The following SLC44A5 variants were observed in gnomAD, a reference collection of about 807,000 sequenced individuals.
The protein encoded by SLC44A5 is choline transporter-like protein 5.
In SLC44A5, 57 loss-of-function variants were observed where a neutral mutation model predicts 101.8. That is an observed-to-expected ratio of 0.56 (90% CI 0.45 to 0.70). The LOEUF is 0.70. Ranked by LOEUF, SLC44A5 falls within the 30% of genes least tolerant of loss-of-function variation. The pLI is 0.00. For missense variants in SLC44A5, 737 were observed against 853.1 expected, an observed-to-expected ratio of 0.86 and a Z score of 1.70; for synonymous variants, 281 against 290.9, an observed-to-expected ratio of 0.97 and a Z score of 0.35.
the SLC44A5 span, among the ~76,000 whole-genome samples, chr1:75,651,516 G>A: frequency 2.0e-5 from 3 of 151,920 alleles, no homozygotes; most frequent in African/African-American, 7.3e-5. Flanking sequence ...CTAACACGGT[G>A]AAACCTCCTC....
chr1:75,331,390 T>C (rs1304557017), intron 4 of SLC44A5, among the ~76,000 whole-genome samples: 1 of 152,144 alleles, frequency 6.6e-6, no homozygotes, highest in Non-Finnish European at 1.5e-5. Context: ...TCTTGACTCA[T>C]TTTTTCTCTT....
chr1:75,318,954 C>T (rs56337713), intron 4 of SLC44A5, among the ~76,000 whole-genome samples: 6 of 152,186 alleles, frequency 3.9e-5, no homozygotes, highest in Non-Finnish European at 7.4e-5. Context: ...CCCCTGCCAA[C>T]GCACATCTCC....
chr1:75,677,760 C>A, the SLC44A5 span: 2 of 439,790 alleles, frequency 4.5e-6, no homozygotes, highest in Non-Finnish European at 9.0e-6. Flanking sequence ...AGGGAGGAAC[C>A]AAGATGGCCG....
intron 2 of SLC44A5, among the ~76,000 whole-genome samples, chr1:75,408,879 G>C (rs1663087720): frequency 2.0e-5 from 3 of 151,922 alleles, no homozygotes; most frequent in African/African-American, 7.3e-5. Context: ...TCACTACACA[G>C]GTACTGTCAC....
chr1:75,304,094 G>GT (rs1223647792), intron 4 of SLC44A5, among the ~76,000 whole-genome samples: 1 of 151,918 alleles, frequency 6.6e-6, no homozygotes, highest in Non-Finnish European at 1.5e-5. Flanking sequence ...AGTCTGCTTT[G>GT]TTTTTCTGGT....
intron 2 of SLC44A5, among the ~76,000 whole-genome samples, chr1:75,452,092 T>C (rs1438723916): frequency 6.6e-6 from 1 of 152,162 alleles, no homozygotes; most frequent in East Asian, 1.9e-4. Context: ...CAAAGGTATA[T>C]AGTCACCAGA....
chr1:75,711,390 C>T, the SLC44A5 span, among the ~76,000 whole-genome samples: 1 of 152,116 alleles, frequency 6.6e-6, no homozygotes, highest in African/African-American at 2.4e-5. Context: ...CTACACATAG[C>T]TTGTGGGCCT....
chr1:75,571,022 G>A (rs576238100), intron 1 of SLC44A5, among the ~76,000 whole-genome samples: 20 of 151,846 alleles, frequency 1.3e-4, no homozygotes, highest in Non-Finnish European at 2.4e-4. Flanking sequence ...ATCACTAAAT[G>A]TTTGACTAAA....
At chr1:75,598,149 G>C (rs1443741312) in intron 1 of SLC44A5, among the ~76,000 whole-genome samples, 1 of 151,904 alleles carries the variant, frequency 6.6e-6, no homozygotes, top group African/African-American at 2.4e-5. Context: ...CTTTTCAAAA[G>C]AAGACATACA....
intron 4 of SLC44A5, among the ~76,000 whole-genome samples, chr1:75,321,714 AGTTT>A (rs1231731879): frequency 6.6e-6 from 1 of 152,202 alleles, no homozygotes; most frequent in African/African-American, 2.4e-5. Context: ...CTGATTTATA[AGTTT>A]ATTTCCACAT....
chr1:75,528,385 TAAAG>T (rs1028472099), intron 2 of SLC44A5, among the ~76,000 whole-genome samples: 1 of 152,178 alleles, frequency 6.6e-6, no homozygotes, highest in Non-Finnish European at 1.5e-5. Flanking sequence ...GATGGTTTCT[TAAAG>T]AAATATAATA....
chr1:75,627,457 C>A, the SLC44A5 span, among the ~76,000 whole-genome samples: 2 of 152,012 alleles, frequency 1.3e-5, no homozygotes, highest in Non-Finnish European at 2.9e-5. Context: ...GTGGGAGGAT[C>A]ATTTGAGGCC....
At chr1:75,569,511 G>T (rs577770071) in intron 1 of SLC44A5, among the ~76,000 whole-genome samples, 2 of 152,178 alleles carry the variant, frequency 1.3e-5, no homozygotes, top group Non-Finnish European at 2.9e-5. Context: ...CAAAGTGCTG[G>T]GATTATAGGT....
the SLC44A5 span, among the ~76,000 whole-genome samples, chr1:75,708,073 G>T: frequency 2.0e-5 from 3 of 152,036 alleles, no homozygotes; most frequent in Non-Finnish European, 4.4e-5. Context: ...TAGTGGGAAT[G>T]TTAACTGGTA....
the SLC44A5 span, among the ~76,000 whole-genome samples, chr1:75,707,249 C>T: frequency 3.3e-5 from 5 of 152,186 alleles, no homozygotes; most frequent in Non-Finnish European, 2.9e-5. Context: ...AGTTTAAGAG[C>T]AGCTAGGTGA....
At chr1:75,605,748 T>C (rs1420411091) in intron 1 of SLC44A5, among the ~76,000 whole-genome samples, 1 of 152,064 alleles carries the variant, frequency 6.6e-6, no homozygotes, top group African/African-American at 2.4e-5. Context: ...AATGTCTTTA[T>C]TTTGAACCCT....
At chr1:75,360,239 A>T (rs1659390963) in intron 3 of SLC44A5, among the ~76,000 whole-genome samples, 1 of 152,224 alleles carries the variant, frequency 6.6e-6, no homozygotes, top group Non-Finnish European at 1.5e-5. Flanking sequence ...AAAAAAATCC[A>T]TGACCAGACA....
chr1:75,645,520 G>C, the SLC44A5 span, among the ~76,000 whole-genome samples: 1 of 151,744 alleles, frequency 6.6e-6, no homozygotes, highest in African/African-American at 2.4e-5. Context: ...GTAGATTCTG[G>C]ATATTAGCCG....
intron 23 of SLC44A5, chr1:75,205,251 A>G (rs1219077853): frequency 6.6e-6 from 1 of 152,244 alleles, no homozygotes; most frequent in African/African-American, 2.4e-5. Context: ...AGATCAATCT[A>G]TAACACAACA....
Sources: gnomAD v4.1 joint callset for allele counts (sites outside exome capture counted in the v4.1 genomes callset) on GRCh38, gnomAD v4.1.1 for gene constraint, MANE v1.5 for transcripts, NCBI Gene and HGNC (gene_info 2026-07-23, HGNC 2026-07-21) for gene names.